EXOC4: variants seen among roughly 807,000 people sequenced by gnomAD.
The protein encoded by EXOC4 is exocyst complex component 4.
In EXOC4, 71 loss-of-function variants were observed where a neutral mutation model predicts 107.2. The observed-to-expected ratio is 0.66, with a 90% CI of 0.55 to 0.81. The LOEUF is 0.81. EXOC4 is among the 30% of genes least tolerant of loss of function. The probability of loss-of-function intolerance (pLI) is 0.00; values close to 1 mark genes in which losing one functional copy is unlikely to be tolerated. For missense variants in EXOC4, 1,108 were observed against 1,189.6 expected, an observed-to-expected ratio of 0.93 and a Z score of 1.01; for synonymous variants, 456 against 441.2, an observed-to-expected ratio of 1.03 and a Z score of -0.42.
intron 10 of EXOC4, among the ~76,000 whole-genome samples, chr7:133,775,105 G>A (rs968287363): frequency 1.3e-5 from 2 of 152,136 alleles, no homozygotes; most frequent in African/African-American, 2.4e-5. Flanking sequence ...AAGGTAGACA[G>A]CATTTTACAT....
intron 9 of EXOC4, among the ~76,000 whole-genome samples, chr7:133,489,513 T>C (rs1799332076): frequency 6.6e-6 from 1 of 152,170 alleles, no homozygotes; most frequent in Non-Finnish European, 1.5e-5. Context: ...ACGAGTACTG[T>C]ACCTTAAGTC....
At chr7:133,841,364 A>G (rs1317687131) in intron 11 of EXOC4, among the ~76,000 whole-genome samples, 2 of 152,238 alleles carry the variant, frequency 1.3e-5, no homozygotes, top group Non-Finnish European at 2.9e-5. Context: ...GGTAAGCATT[A>G]GAATCACCTG....
intron 7 of EXOC4, among the ~76,000 whole-genome samples, chr7:133,388,573 C>T (rs748294215): frequency 2.6e-5 from 4 of 151,990 alleles, no homozygotes; most frequent in African/African-American, 7.2e-5. Context: ...TCGCTTGAAC[C>T]GGGGAGGTGG....
chr7:133,963,680 G>A (rs1289653037), intron 14 of EXOC4, among the ~76,000 whole-genome samples: 1 of 152,232 alleles, frequency 6.6e-6, no homozygotes, highest in Non-Finnish European at 1.5e-5. Context: ...CATGAAAGCA[G>A]AGAAGAACGT....
At chr7:133,994,012 C>T (rs753203527) in intron 14 of EXOC4, among the ~76,000 whole-genome samples, 8 of 152,160 alleles carry the variant, frequency 5.3e-5, no homozygotes, top group South Asian at 2.1e-4. Flanking sequence ...ACTGTTGGTT[C>T]GCCAAAAAGG....
intron 5 of EXOC4, among the ~76,000 whole-genome samples, chr7:133,343,092 A>G (rs912470988): frequency 2.6e-5 from 4 of 151,968 alleles, no homozygotes; most frequent in African/African-American, 9.7e-5. Flanking sequence ...GTGTTACAGA[A>G]CCTTGTTTTG....
chr7:133,710,995 A>T (rs1341246791), intron 10 of EXOC4, among the ~76,000 whole-genome samples: 1 of 152,290 alleles, frequency 6.6e-6, no homozygotes, highest in East Asian at 1.9e-4. Flanking sequence ...TTGGTAAAGT[A>T]GAGTTCAAGG....
chr7:133,387,989 C>G (rs902259276), intron 7 of EXOC4, among the ~76,000 whole-genome samples: 1 of 148,698 alleles, frequency 6.7e-6, no homozygotes, highest in African/African-American at 2.4e-5. Context: ...TGTTTGTTTT[C>G]TTAGAACATG....
intron 7 of EXOC4, among the ~76,000 whole-genome samples, chr7:133,420,102 T>C (rs1401724782): frequency 1.4e-5 from 2 of 145,192 alleles, no homozygotes; most frequent in Non-Finnish European, 3.0e-5. Context: ...GTATATCTCC[T>C]AATGCTATCC....
chr7:133,830,057 G>A (rs1184647995), intron 11 of EXOC4, among the ~76,000 whole-genome samples: 4 of 152,108 alleles, frequency 2.6e-5, no homozygotes, highest in African/African-American at 9.7e-5. Context: ...AATACCCTGA[G>A]TATTCACTTG....
chr7:133,500,785 T>C (rs1339181620), intron 9 of EXOC4, among the ~76,000 whole-genome samples: 3 of 152,226 alleles, frequency 2.0e-5, no homozygotes, highest in African/African-American at 7.2e-5. Context: ...TTCTTTTAAT[T>C]TTAGACATTA....
Position 133,660,546 on chromosome 7 carries a change from C to G in EXOC4, c.1514+30405C>G, listed in dbSNP as rs1442588928. On this transcript the variant is annotated intron_variant, in intron 10 of 17. Coordinates refer to ENST00000253861, the MANE Select transcript of EXOC4 (RefSeq NM_021807.4). ...TCTTGTTTTTGTTTTGGGCTGATCTCTATAAGCCATGGAAAAGAATTTATT... is the reference window on the plus strand; with the variant it reads ...TCTTGTTTTTGTTTTGGGCTGATCTGTATAAGCCATGGAAAAGAATTTATT... 2.0e-5 allele frequency among the ~76,000 whole-genome samples: 3 copies of G among 152,110 alleles called. No homozygotes were observed. The East Asian group carries it at 5.8e-4, about 29-fold the overall frequency.
intron 1 of EXOC4, among the ~76,000 whole-genome samples, chr7:133,260,824 T>C (rs1337884723): frequency 2.0e-5 from 3 of 152,106 alleles, no homozygotes; most frequent in Non-Finnish European, 4.4e-5. Context: ...TTTTAGTGTC[T>C]AGGTTTATAT....
At chr7:133,358,450 G>A (rs1203044767) in intron 6 of EXOC4, among the ~76,000 whole-genome samples, 3 of 152,024 alleles carry the variant, frequency 2.0e-5, no homozygotes, top group African/African-American at 7.2e-5. Context: ...GTTTATTATC[G>A]GTGCCTTCCC....
At chr7:134,015,136 G>A (rs903213471) in intron 17 of EXOC4, among the ~76,000 whole-genome samples, 1 of 152,172 alleles carries the variant, frequency 6.6e-6, no homozygotes, top group African/African-American at 2.4e-5. Flanking sequence ...AGTCAGGGCT[G>A]GCTTTGGGTA....
rs763511126 is a variant in EXOC4 at position 133,475,425 on chromosome 7, C to A, written c.1280C>A (p.Ala427Asp). 1.9e-6 allele frequency: 3 copies of A among 1,613,876 alleles called. No individual in the cohort carries two copies. The highest frequency in any genetic ancestry group is 1.3e-5 in the African/African-American group (1 of 74,894). Residue 427 changes from alanine (A) to aspartate (D), a missense_variant, in exon 8 of 18, where the codon GCC (alanine) becomes GAC (aspartate). Transcript: ENST00000253861. ...GCCAGCACTGGACGAGAGTTTGCAG[C>A]CTTTTTTGCCAAGAAGAAACCTCAA... ...SYASTGREFA[A>D]FFAKKKPQRP... is the part of the protein sequence containing the mutation.
At chr7:134,042,008 T>C (rs76555116) in intron 17 of EXOC4, among the ~76,000 whole-genome samples, 1 of 152,276 alleles carries the variant, frequency 6.6e-6, no homozygotes, top group African/African-American at 2.4e-5. Context: ...TGTACCCTGA[T>C]TGCGATCATA....
chr7:133,375,248 G>A (rs1339612004), intron 7 of EXOC4, among the ~76,000 whole-genome samples: 2 of 152,168 alleles, frequency 1.3e-5, no homozygotes, highest in African/African-American at 4.8e-5. Flanking sequence ...GGCCAAGGCG[G>A]GTGGATCACC....
chr7:133,313,091 G>T (rs1401394738), intron 4 of EXOC4, among the ~76,000 whole-genome samples: 12 of 147,750 alleles, frequency 8.1e-5, no homozygotes, highest in Non-Finnish European at 1.8e-4. Context: ...GTCTTTTAAA[G>T]ATTTTTTTTC....
Sources: allele counts gnomAD v4.1 joint callset (sites outside exome capture counted in the v4.1 genomes callset), GRCh38; gene constraint gnomAD v4.1.1; transcripts MANE v1.5; gene names NCBI Gene and HGNC (gene_info 2026-07-23, HGNC 2026-07-21).